GMDS: variants seen among roughly 807,000 people sequenced by gnomAD.
GMDS encodes GDP-mannose 4,6 dehydratase.
In GMDS, 20 loss-of-function variants were observed where a neutral mutation model predicts 49.9. That is an observed-to-expected ratio of 0.40 (90% CI 0.28 to 0.58). The LOEUF (loss-of-function observed/expected upper bound fraction) is 0.58. GMDS is among the 20% of genes least tolerant of loss of function. The probability of loss-of-function intolerance (pLI) is 0.42; values close to 1 mark genes in which losing one functional copy is unlikely to be tolerated. For synonymous variants in GMDS, 177 were observed against 178.6 expected, an observed-to-expected ratio of 0.99 and a Z score of 0.07; for missense variants, 362 against 481.4, an observed-to-expected ratio of 0.75 and a Z score of 2.32.
At chr6:1,873,212 A>C (rs1758863297) in intron 7 of GMDS, among the ~76,000 whole-genome samples, 1 of 152,246 alleles carries the variant, frequency 6.6e-6, no homozygotes, top group South Asian at 2.1e-4. Flanking sequence ...TGCTTTGAAG[A>C]GAAAAGGGTT....
intron 4 of GMDS, among the ~76,000 whole-genome samples, chr6:2,072,850 C>A (rs991388589): frequency 6.6e-5 from 10 of 152,196 alleles, no homozygotes; most frequent in African/African-American, 2.2e-4. Flanking sequence ...CATTTCAATA[C>A]TTGAAATTGC....
At chr6:1,755,618 C>T (rs12208162) in intron 7 of GMDS, among the ~76,000 whole-genome samples, 50,085 of 152,004 alleles carry the variant, frequency 0.33, 9,745 homozygotes, top group Non-Finnish European at 0.45. Flanking sequence ...TACCTGACTT[C>T]GAACTATACT....
At chr6:2,227,414 A>G (rs886784884) in intron 1 of GMDS, among the ~76,000 whole-genome samples, 1 of 152,170 alleles carries the variant, frequency 6.6e-6, no homozygotes, top group Non-Finnish European at 1.5e-5. Flanking sequence ...CAACATCAGA[A>G]CCATGCTTTA....
At chr6:1,847,849 T>C (rs1401472156) in intron 7 of GMDS, among the ~76,000 whole-genome samples, 2 of 152,122 alleles carry the variant, frequency 1.3e-5, no homozygotes, top group Non-Finnish European at 2.9e-5. Flanking sequence ...GTCTGGGTGT[T>C]CGAGTACACT....
intron 4 of GMDS, among the ~76,000 whole-genome samples, chr6:2,110,100 G>A (rs544913348): frequency 6.6e-6 from 1 of 152,224 alleles, no homozygotes; most frequent in Admixed American, 6.5e-5. Context: ...ACGGTAAAGG[G>A]CCACGCTGTT....
At chr6:2,123,165 T>C (rs1439996809) in intron 2 of GMDS, among the ~76,000 whole-genome samples, 1 of 152,032 alleles carries the variant, frequency 6.6e-6, no homozygotes, top group East Asian at 1.9e-4. Context: ...TTGAGAATGG[T>C]TGCCATCTAC....
At chr6:1,986,262 C>T (rs1765539960) in intron 4 of GMDS, among the ~76,000 whole-genome samples, 1 of 152,166 alleles carries the variant, frequency 6.6e-6, no homozygotes, top group African/African-American at 2.4e-5. Flanking sequence ...CCTCAAATTA[C>T]TCTTGCTTCT....
chr6:1,801,141 A>G (rs1769933332), intron 7 of GMDS, among the ~76,000 whole-genome samples: 1 of 152,178 alleles, frequency 6.6e-6, no homozygotes, highest in South Asian at 2.1e-4. Flanking sequence ...AGAGCTGTAA[A>G]ATGTGCTTAT....
chr6:1,746,157 G>A (rs915458281), intron 7 of GMDS, among the ~76,000 whole-genome samples: 2 of 152,156 alleles, frequency 1.3e-5, no homozygotes, highest in East Asian at 1.9e-4. Flanking sequence ...TGATCAAATC[G>A]CCACCCAGCT....
intron 4 of GMDS, among the ~76,000 whole-genome samples, chr6:1,962,795 T>C (rs1014278897): frequency 1.3e-5 from 2 of 151,936 alleles, no homozygotes; most frequent in African/African-American, 4.8e-5. Flanking sequence ...ATATATATTC[T>C]GAATACAAGT....
At chr6:2,239,295 C>T (rs1340168011) in intron 1 of GMDS, among the ~76,000 whole-genome samples, 2 of 147,834 alleles carry the variant, frequency 1.4e-5, no homozygotes, top group Non-Finnish European at 3.0e-5. Flanking sequence ...ACCACCATTG[C>T]ACTCCAGCCT....
At chr6:1,740,988 T>C (rs1414069178) in intron 8 of GMDS, among the ~76,000 whole-genome samples, 1 of 152,208 alleles carries the variant, frequency 6.6e-6, no homozygotes, top group Non-Finnish European at 1.5e-5. Flanking sequence ...TGAGACAAAA[T>C]GTTCACAAAA....
At chr6:2,035,979 G>C (rs375190101) in intron 4 of GMDS, among the ~76,000 whole-genome samples, 11 of 152,084 alleles carry the variant, frequency 7.2e-5, no homozygotes, top group African/African-American at 2.7e-4. Context: ...GAGCCACCGC[G>C]CCCAGCCAAA....
intron 7 of GMDS, among the ~76,000 whole-genome samples, chr6:1,910,607 G>A (rs1761002661): frequency 6.6e-6 from 1 of 152,128 alleles, no homozygotes. Context: ...GATTGTAGGA[G>A]GCCAGGCAGC....
chr6:1,726,357 C>T (rs1766585580), intron 9 of GMDS, 59 bp downstream of exon 9: 1 of 1,107,066 alleles, frequency 9.0e-7, no homozygotes. Context: ...TCCATGAGCG[C>T]ATTTGCCCAG....
intron 9 of GMDS, among the ~76,000 whole-genome samples, chr6:1,698,907 G>A (rs951378373): frequency 2.0e-5 from 3 of 150,298 alleles, no homozygotes; most frequent in African/African-American, 4.9e-5. Context: ...ACGATATTGT[G>A]AAGAGGCAGT....
chr6:2,073,658 C>A (rs1484621784), intron 4 of GMDS, among the ~76,000 whole-genome samples: 2 of 152,170 alleles, frequency 1.3e-5, no homozygotes, highest in Non-Finnish European at 2.9e-5. Flanking sequence ...CCCCTCCAAC[C>A]CCTGCCACCC....
At chr6:1,973,625 C>T (rs779068721) in intron 4 of GMDS, among the ~76,000 whole-genome samples, 1 of 152,088 alleles carries the variant, frequency 6.6e-6, no homozygotes, top group Non-Finnish European at 1.5e-5. Flanking sequence ...GACTGAAACA[C>T]AGTAAACAAC....
In GMDS at chr6:2,038,196, C is replaced by T. The variant is rs531643941; in HGVS notation, c.346-77230G>A. Among the ~76,000 whole-genome samples, 3 of 152,238 alleles carry T rather than the reference C, an allele frequency of 2.0e-5. No individual in the cohort carries two copies. In the East Asian group the frequency reaches 5.8e-4, roughly 29 times the overall value. ...CCTCCTGACACAAAGCTGGTTTTGT[C>T]CCAGCCTTGCATCAGCTGCACAGTA... On this transcript the variant is annotated intron_variant, in intron 4 of 10. Transcript: ENST00000380815.
Sources: gnomAD v4.1 joint callset for allele counts (sites outside exome capture counted in the v4.1 genomes callset) on GRCh38, gnomAD v4.1.1 for gene constraint, MANE v1.5 for transcripts, NCBI Gene and HGNC (gene_info 2026-07-23, HGNC 2026-07-21) for gene names.